The following MED12L variants were observed in gnomAD, a reference collection of about 807,000 sequenced individuals.
The protein encoded by MED12L is mediator complex subunit 12L.
In MED12L, 60 loss-of-function variants were observed where a neutral mutation model predicts 281.3. That is an observed-to-expected ratio of 0.21 (90% confidence interval 0.17 to 0.26). The LOEUF is 0.26. Ranked by LOEUF, MED12L falls within the 10% of genes least tolerant of loss-of-function variation. The probability of loss-of-function intolerance (pLI) is 1.00; values close to 1 mark genes in which losing one functional copy is unlikely to be tolerated. For synonymous variants in MED12L, 974 were observed against 987.2 expected, an observed-to-expected ratio of 0.99 and a Z score of 0.25; for missense variants, 2,146 against 2,680.9, an observed-to-expected ratio of 0.80 and a Z score of 4.41.
rs367962517 is a variant in MED12L at position 151,165,860 on chromosome 3, C to T, written c.1372C>T (p.Arg458Trp). The change falls in exon 11 of 45, where the codon CGG becomes TGG. Residue 458 changes from arginine to tryptophan, a missense_variant. Arg to Trp is a moderately radical substitution (Grantham distance 101, BLOSUM62 -3). This residue lies in a region of MED12L where 722 missense variants were observed against 861.2 expected (regional missense o/e 0.84). Transcript: ENST00000687756. ...QESTAGVTISRVLHTLEVLDR... is the reference protein window; with the variant it reads ...QESTAGVTISWVLHTLEVLDR... ...TCTGCCTATAGGGGTGACTATTAGT[C>T]GGGTTTTGCACACGTTGGAAGTTTT... is the stretch of plus-strand genomic sequence containing the variant. The T allele has an allele frequency of 6.8e-6, 11 of 1,613,388 alleles. No homozygotes were observed. The highest frequency in any genetic ancestry group is 5.3e-5 in the African/African-American group (4 of 74,898).
At chr3:151,108,547 A>G (rs762508358) in intron 2 of MED12L, among the ~76,000 whole-genome samples, 26 of 152,296 alleles carry the variant, frequency 1.7e-4, no homozygotes, top group Middle Eastern at 6.8e-3. Context: ...ATATAGCTAT[A>G]AAACCATGAA....
intron 4 of MED12L, among the ~76,000 whole-genome samples, chr3:151,127,505 T>A (rs975020343): frequency 1.3e-5 from 2 of 152,236 alleles, no homozygotes; most frequent in African/African-American, 4.8e-5. Flanking sequence ...TTCCTTGCTC[T>A]GTTGATAAGA....
intron 16 of MED12L, among the ~76,000 whole-genome samples, chr3:151,244,913 C>A (rs965042388): frequency 2.6e-5 from 4 of 151,850 alleles, no homozygotes; most frequent in South Asian, 4.2e-4. Context: ...TCTAATAGAC[C>A]CAATAAAAAA....
chr3:151,378,883 C>G lies in MED12L; in HGVS notation c.4478+710C>G, dbSNP rs191462733. On this transcript the variant is annotated intron_variant, in intron 31 of 44. Coordinates refer to ENST00000687756, the MANE Select transcript of MED12L (RefSeq NM_001393769.1). ...TTATTGACTGCTTACAGAATGGCAACTCCTCTCTAAAACTCATTATGTACA... is the reference window on the plus strand; with the variant it reads ...TTATTGACTGCTTACAGAATGGCAAGTCCTCTCTAAAACTCATTATGTACA... Among the ~76,000 whole-genome samples, 235 of 152,322 alleles carry G rather than the reference C, an allele frequency of 1.5e-3. 2 individuals are homozygous for G. Among genetic ancestry groups the G allele is most frequent in the African/African-American group, 5.5e-3 (229 of 41,586 alleles).
chr3:151,294,933 C>T, intron 16 of MED12L: 1 of 1,614,108 alleles, frequency 6.2e-7, no homozygotes, highest in Non-Finnish European at 8.5e-7. Flanking sequence ...TACCAAGGTC[C>T]AAATCCTGCA....
chr3:151,119,977 G>A (rs1027642949), intron 3 of MED12L, among the ~76,000 whole-genome samples: 1 of 151,690 alleles, frequency 6.6e-6, no homozygotes, highest in African/African-American at 2.4e-5. Context: ...CCAGCACTTT[G>A]GGGGGCTGAG....
In MED12L at chr3:151,190,725, A is replaced by C. The variant is rs940171109; in HGVS notation, c.1762A>C (p.Asn588His). The C allele has an allele frequency of 5.6e-6, 9 of 1,613,982 alleles. No individual in the cohort carries two copies. The highest frequency in any genetic ancestry group is 1.3e-5 in the African/African-American group (1 of 74,898). The change falls in exon 14 of 45, where the codon AAC becomes CAC. Residue 588 changes from asparagine to histidine, a missense_variant. Asn to His is a moderately conservative substitution (Grantham distance 68). This residue lies in a region of MED12L where 722 missense variants were observed against 861.2 expected (regional missense o/e 0.84). Coordinates refer to ENST00000687756, the MANE Select transcript of MED12L (RefSeq NM_001393769.1). ...DTQAPSLSDP[N>H]SECEKVEFVN... ...AATTTGTTTCTCTATAGCGGACCCA[A>C]ACAGTGAATGTGAAAAGGTGGAATT... is the stretch of plus-strand genomic sequence containing the variant.
At chr3:151,197,515 A>G (rs1011864166) in intron 16 of MED12L, among the ~76,000 whole-genome samples, 1 of 152,162 alleles carries the variant, frequency 6.6e-6, no homozygotes, top group African/African-American at 2.4e-5. Flanking sequence ...CCTGGGTGGC[A>G]CTGAGTAGCT....
At chr3:151,189,042 G>A (rs1056009905) in intron 13 of MED12L, among the ~76,000 whole-genome samples, 2 of 152,104 alleles carry the variant, frequency 1.3e-5, no homozygotes, top group African/African-American at 4.8e-5. Context: ...GAAATATTTT[G>A]TGAGCTATGT....
chr3:151,284,075 T>C (rs1331027113), intron 16 of MED12L, among the ~76,000 whole-genome samples: 1 of 152,190 alleles, frequency 6.6e-6, no homozygotes, highest in East Asian at 1.9e-4. Flanking sequence ...ACTTAATGAA[T>C]GTAAGAACAT....
chr3:151,162,628 G>T (rs1393894864), intron 8 of MED12L, among the ~76,000 whole-genome samples: 1 of 151,992 alleles, frequency 6.6e-6, no homozygotes, highest in Non-Finnish European at 1.5e-5. Flanking sequence ...TCTTAGAGAT[G>T]GGGTTTCACT....
At chr3:151,146,095 A>G (rs1315575713) in intron 5 of MED12L, among the ~76,000 whole-genome samples, 1 of 152,222 alleles carries the variant, frequency 6.6e-6, no homozygotes, top group African/African-American at 2.4e-5. Flanking sequence ...AGAGTCCTCC[A>G]GGCTGCTGAT....
At chr3:151,405,570 G>T (rs1360421233) in intron 39 of MED12L, among the ~76,000 whole-genome samples, 1 of 152,142 alleles carries the variant, frequency 6.6e-6, no homozygotes, top group African/African-American at 2.4e-5. Context: ...CCAGGAATTT[G>T]AGGCCGCAGT....
At chr3:151,224,223 A>G (rs1292394664) in intron 16 of MED12L, among the ~76,000 whole-genome samples, 1 of 152,172 alleles carries the variant, frequency 6.6e-6, no homozygotes, top group African/African-American at 2.4e-5. Context: ...CAGTTCTTAT[A>G]AAGGTACAAC....
At chr3:151,242,346 A>T (rs541229588) in intron 16 of MED12L, among the ~76,000 whole-genome samples, 1 of 152,258 alleles carries the variant, frequency 6.6e-6, no homozygotes. Flanking sequence ...AAAAGACAGC[A>T]GTAACCTCTG....
chr3:151,184,000 C>A (rs560156129), intron 11 of MED12L, among the ~76,000 whole-genome samples: 66 of 152,276 alleles, frequency 4.3e-4, no homozygotes, highest in African/African-American at 1.4e-3. Context: ...TAGAGTGAAT[C>A]TGGGCAGAAA....
chr3:151,322,370 T>A (rs1749094046), intron 16 of MED12L, among the ~76,000 whole-genome samples: 1 of 152,018 alleles, frequency 6.6e-6, no homozygotes, highest in Admixed American at 6.5e-5. Flanking sequence ...TTTATTTTTT[T>A]ATTTTTTGTA....
At chr3:151,411,192 G>A (rs1423064881) in intron 40 of MED12L, 86 bp from the exon 41 acceptor site, 20 of 1,139,740 alleles carry the variant, frequency 1.8e-5, no homozygotes, top group Admixed American at 5.6e-5. Context: ...GTCCTCATGG[G>A]TTTGTTTTTG....
intron 27 of MED12L, among the ~76,000 whole-genome samples, chr3:151,373,561 T>TG (rs1553800429): frequency 6.7e-5 from 7 of 104,412 alleles, no homozygotes; most frequent in Admixed American, 8.8e-5. Flanking sequence ...AAAATGGTGG[T>TG]TTTTTTTTTT....
Sources: gnomAD v4.1 joint callset for allele counts (sites outside exome capture counted in the v4.1 genomes callset) on GRCh38, gnomAD v4.1.1 for gene constraint, gnomAD v4.1.1 regional missense constraint, MANE v1.5 for transcripts, NCBI Gene and HGNC (gene_info 2026-07-23, HGNC 2026-07-21) for gene names.